Variants in SLCO1A2 observed in about 807,000 individuals in gnomAD.
SLCO1A2 encodes the protein solute carrier organic anion transporter family member 1A2.
SLCO1A2 carries 67 observed loss-of-function variants against 69.0 expected under a neutral mutation model. The ratio of observed to expected loss-of-function variants is 0.97; its 90% CI spans 0.80 to 1.19. The LOEUF is 1.19. Ranked by LOEUF, SLCO1A2 falls within the 50% of genes most tolerant of loss-of-function variation. The pLI, the probability that SLCO1A2 is intolerant of heterozygous loss-of-function variation, is 0.00. For synonymous variants in SLCO1A2, 260 were observed against 265.9 expected (o/e 0.98, Z 0.22); for missense variants, 787 against 793.7 (o/e 0.99, Z 0.10).
At chr12:21,362,566 A>C (rs144436375) in intron 2 of SLCO1A2, among the ~76,000 whole-genome samples, 6,543 of 152,290 alleles carry the variant, frequency 0.043, 152 homozygotes, top group African/African-American at 0.048. Context: ...CCTTAAATGT[A>C]AATGGGCTAA....
intron 4 of SLCO1A2, 116 bp downstream of exon 4, chr12:21,314,433 C>G (rs1950614009): frequency 9.3e-7 from 1 of 1,069,896 alleles, no homozygotes; most frequent in South Asian, 1.6e-5. Context: ...GCATCTTCCC[C>G]TTCCCATTAC....
At chr12:21,403,824 T>C (rs1327341075) in intron 1 of SLCO1A2, among the ~76,000 whole-genome samples, 1 of 151,664 alleles carries the variant, frequency 6.6e-6, no homozygotes, top group Non-Finnish European at 1.5e-5. Context: ...TAAACTTTGC[T>C]GAGCCTCAAT....
At chr12:21,316,557 T>G (rs1229704055) in intron 3 of SLCO1A2, among the ~76,000 whole-genome samples, 5 of 151,968 alleles carry the variant, frequency 3.3e-5, no homozygotes, top group Admixed American at 2.0e-4. Context: ...TGATACTTTT[T>G]TTTTTTTTCA....
chr12:21,352,565 C>T (rs1938047090), intron 2 of SLCO1A2, among the ~76,000 whole-genome samples: 1 of 152,066 alleles, frequency 6.6e-6, no homozygotes. Flanking sequence ...TCAAGGCTGC[C>T]TACATATGAA....
chr12:21,395,995 C>T (rs1206895030), upstream of SLCO1A2, among the ~76,000 whole-genome samples: 1 of 151,236 alleles, frequency 6.6e-6, no homozygotes, highest in Non-Finnish European at 1.5e-5. Flanking sequence ...CGCAGTTCCT[C>T]ACCAGCAACG....
At chr12:21,325,030 A>T (rs538853466) in intron 2 of SLCO1A2, among the ~76,000 whole-genome samples, 52 of 152,166 alleles carry the variant, frequency 3.4e-4, no homozygotes, top group Non-Finnish European at 5.4e-4. Flanking sequence ...CCTCAACTGG[A>T]AATTCTCTAG....
intron 4 of SLCO1A2, 54 bp from the exon 5 acceptor site, chr12:21,307,042 TGG>T: frequency 8.2e-7 from 1 of 1,218,748 alleles, no homozygotes; most frequent in Non-Finnish European, 1.2e-6. Flanking sequence ...GAGGACAATG[TGG>T]GCAATGTGCA....
At chr12:21,316,131 G>A (rs1233850141) in intron 3 of SLCO1A2, among the ~76,000 whole-genome samples, 2 of 152,106 alleles carry the variant, frequency 1.3e-5, no homozygotes. Context: ...AAACATGAAG[G>A]CATTTGAGTT....
At chr12:21,272,804 C>T (rs1391407716) in intron 14 of SLCO1A2, among the ~76,000 whole-genome samples, 2 of 152,046 alleles carry the variant, frequency 1.3e-5, no homozygotes, top group Non-Finnish European at 2.9e-5. Context: ...GGGGTTTTTT[C>T]TTATGAATTA....
At position 21,313,982 on chromosome 12, in the gene SLCO1A2, T is replaced by TAAAA. The variant is rs71043263; in HGVS notation, c.335+563_335+566dup. Among the ~76,000 whole-genome samples, 1,140 of 136,440 alleles carry TAAAA rather than the reference T, an allele frequency of 8.4e-3. 8 individuals are homozygous for TAAAA. Among genetic ancestry groups the TAAAA allele is most frequent in the South Asian group, 0.016 (72 of 4,434 alleles). 89.5% of individuals were successfully genotyped at this position (136,440 alleles called of 152,430 possible). A position where few individuals can be genotyped will look rare whatever the true frequency, so the allele number is the denominator to read the frequency against. On this transcript the variant is annotated intron_variant, in intron 4 of 14. Coordinates refer to ENST00000683939, the MANE Select transcript of SLCO1A2 (RefSeq NM_001386879.1). Reference sequence around the variant, plus strand: ...GTCTCAAAAAAATAATAATAAATAATAAAAAAAAAAAACAGAAAAAAAAGA... The same window carrying TAAAA: ...GTCTCAAAAAAATAATAATAAATAATAAAAAAAAAAAAAAAACAGAAAAAAAAGA...
rs1941944738 is a variant in SLCO1A2 at position 21,265,178 on chromosome 12, C to A, written c.*4370G>T. ...CTGTCACCTTATTTCCTAATGAATTCATGTGTTTTTCCGTAAGTTGTTTTC... is the reference window on the plus strand; with the variant it reads ...CTGTCACCTTATTTCCTAATGAATTAATGTGTTTTTCCGTAAGTTGTTTTC... On this transcript the variant is annotated 3_prime_UTR_variant, in exon 15 of 15. Transcript: ENST00000683939. 1 of 152,308 alleles carries A rather than the reference C, an allele frequency of 6.6e-6. No homozygotes were observed. The highest frequency in any genetic ancestry group is 1.5e-5 in the Non-Finnish European group (1 of 68,134). 9.4% of individuals were successfully genotyped at this position (152,308 alleles called of 1,614,324 possible). A position where few individuals can be genotyped will look rare whatever the true frequency, so the allele number is the denominator to read the frequency against.
chr12:21,347,702 A>AGGAAGAAAG (rs1555122088), intron 2 of SLCO1A2, among the ~76,000 whole-genome samples: 1 of 148,202 alleles, frequency 6.7e-6, no homozygotes, highest in African/African-American at 2.6e-5. Context: ...GGAAGGAAGA[A>AGGAAGAAAG]GGAAAAAAGG....
intron 3 of SLCO1A2, among the ~76,000 whole-genome samples, chr12:21,317,496 G>C (rs1951026834): frequency 6.6e-6 from 1 of 151,994 alleles, no homozygotes; most frequent in Admixed American, 6.6e-5. Context: ...TTCTGTCCCT[G>C]TAAGACCTTG....
At chr12:21,352,502 C>G (rs1332602184) in intron 2 of SLCO1A2, among the ~76,000 whole-genome samples, 1 of 152,200 alleles carries the variant, frequency 6.6e-6, no homozygotes. Context: ...AATAGTGCTA[C>G]TACAGCTATG....
At chr12:21,319,464 C>T (rs1357069914) in intron 2 of SLCO1A2, 22 of 1,366,978 alleles carry the variant, frequency 1.6e-5, no homozygotes, top group Non-Finnish European at 2.1e-5. Context: ...CCAGAACAAT[C>T]TGAGTTATGT....
intron 1 of SLCO1A2, among the ~76,000 whole-genome samples, chr12:21,417,028 T>C (rs1389812474): frequency 6.6e-6 from 1 of 152,140 alleles, no homozygotes; most frequent in East Asian, 1.9e-4. Flanking sequence ...TTGAACCTAC[T>C]GATCTAGAAC....
At chr12:21,275,938 T>A (rs1197314946) in intron 12 of SLCO1A2, among the ~76,000 whole-genome samples, 1 of 147,150 alleles carries the variant, frequency 6.8e-6, no homozygotes, top group Non-Finnish European at 1.5e-5. Context: ...CTACACTCCA[T>A]CTCAAAAAAA....
intron 12 of SLCO1A2, among the ~76,000 whole-genome samples, chr12:21,281,942 G>A (rs1944875446): frequency 6.6e-6 from 1 of 151,876 alleles, no homozygotes; most frequent in Non-Finnish European, 1.5e-5. Flanking sequence ...CTGTAATAAA[G>A]TCTCCAGCAA....
chr12:21,309,946 A>G (rs1452500358), intron 4 of SLCO1A2, among the ~76,000 whole-genome samples: 1 of 152,184 alleles, frequency 6.6e-6, no homozygotes, highest in Non-Finnish European at 1.5e-5. Flanking sequence ...TTGAGGAGAC[A>G]TTTGCCCTAC....
Sources: allele counts gnomAD v4.1 joint callset (sites outside exome capture counted in the v4.1 genomes callset), GRCh38; gene constraint gnomAD v4.1.1; transcripts MANE v1.5; gene names NCBI Gene and HGNC (gene_info 2026-07-23, HGNC 2026-07-21).